GRIK3: variants seen among roughly 807,000 people sequenced by gnomAD.
GRIK3 encodes glutamate ionotropic receptor kainate type subunit 3, also known as glutamate receptor ionotropic, kainate 3.
GRIK3 carries 29 observed loss-of-function variants against 102.5 expected under a neutral mutation model. The observed-to-expected ratio is 0.28, with a 90% CI of 0.21 to 0.39. The LOEUF (loss-of-function observed/expected upper bound fraction) is 0.39. Ranked by LOEUF, GRIK3 falls within the 10% of genes least tolerant of loss-of-function variation. GRIK3 has a pLI of 1.00. For synonymous variants in GRIK3, 511 were observed against 504.9 expected (o/e 1.01, Z -0.16); for missense variants, 908 against 1,252.4 (o/e 0.73, Z 4.15).
chr1:36,864,136 T>C lies in GRIK3; in HGVS notation c.787-4119A>G, dbSNP rs190706768. Among the ~76,000 whole-genome samples, 434 of 152,326 alleles carry C rather than the reference T, an allele frequency of 2.8e-3. 3 individuals carry two copies. The highest frequency in any genetic ancestry group is 0.01 in the African/African-American group (419 of 41,562). On this transcript the variant is annotated intron_variant, in intron 5 of 15. Coordinates refer to ENST00000373091, the MANE Select transcript of GRIK3 (RefSeq NM_000831.4). Reference sequence around the variant, plus strand: ...TTCTTTTTTCACCTCTAGGCTTTTATCTACATGTGACATGTAGCAGGGGCT... The same window carrying C: ...TTCTTTTTTCACCTCTAGGCTTTTACCTACATGTGACATGTAGCAGGGGCT...
chr1:36,830,935 C>T (rs1042999425), intron 10 of GRIK3, among the ~76,000 whole-genome samples: 7 of 152,098 alleles, frequency 4.6e-5, no homozygotes, highest in African/African-American at 1.7e-4. Context: ...GGACTGCCGG[C>T]CACACCAGAA....
chr1:36,827,701 A>C (rs1239963108), intron 10 of GRIK3, among the ~76,000 whole-genome samples: 1 of 152,174 alleles, frequency 6.6e-6, no homozygotes, highest in African/African-American at 2.4e-5. Context: ...GGAACTAGCA[A>C]TCCAGTCAAA....
chr1:36,933,993 C>T (rs1362843408), intron 1 of GRIK3, among the ~76,000 whole-genome samples: 2 of 152,226 alleles, frequency 1.3e-5, no homozygotes, highest in African/African-American at 4.8e-5. Context: ...CACTGGACCA[C>T]ACTTACAGTG....
At chr1:36,996,343 G>C (rs1642419680) in intron 1 of GRIK3, among the ~76,000 whole-genome samples, 1 of 152,210 alleles carries the variant, frequency 6.6e-6, no homozygotes, top group Non-Finnish European at 1.5e-5. Context: ...AGGCTTATGG[G>C]TAGCAGCTCA....
chr1:36,999,067 A>T (rs1570855309), intron 1 of GRIK3, among the ~76,000 whole-genome samples: 1 of 151,898 alleles, frequency 6.6e-6, no homozygotes, highest in East Asian at 1.9e-4. Flanking sequence ...CCAACCATGA[A>T]CAGACCTGGG....
rs561007444 is a variant in GRIK3 at position 36,813,558 on chromosome 1, C to T, written c.2091+3502G>A. On this transcript the variant is annotated intron_variant, in intron 13 of 15. Transcript: ENST00000373091. ...TGTACCCCGCTCCACCACTGATCTG[C>T]TGTGTGATAATGGGCTGGGCCTGTT... Among the ~76,000 whole-genome samples, 60 of 152,292 alleles carry T rather than the reference C, an allele frequency of 3.9e-4. 2 individuals carry two copies. The South Asian group carries it at 0.011, about 27-fold the overall frequency.
intron 1 of GRIK3, among the ~76,000 whole-genome samples, chr1:36,898,084 T>G (rs1641192933): frequency 2.0e-5 from 3 of 151,160 alleles, no homozygotes; most frequent in Admixed American, 2.0e-4. Flanking sequence ...ACAATTGAAA[T>G]CATGGAGATA....
At chr1:36,907,908 T>C (rs1363528060) in intron 1 of GRIK3, among the ~76,000 whole-genome samples, 1 of 152,100 alleles carries the variant, frequency 6.6e-6, no homozygotes, top group Non-Finnish European at 1.5e-5. Context: ...TTGTTCCCAG[T>C]GAGAGAGGCC....
At chr1:36,996,120 A>G (rs763739389) in intron 1 of GRIK3, among the ~76,000 whole-genome samples, 11 of 152,174 alleles carry the variant, frequency 7.2e-5, no homozygotes, top group Non-Finnish European at 1.6e-4. Flanking sequence ...GGTCAGAGAG[A>G]GCACCTTCAT....
chr1:36,865,512 G>A (rs1480470468), intron 5 of GRIK3, among the ~76,000 whole-genome samples: 2 of 152,218 alleles, frequency 1.3e-5, no homozygotes, highest in East Asian at 1.9e-4. Context: ...CCTGAAGACC[G>A]GAAGCAGGAT....
At chr1:36,869,857 A>G (rs577094) in intron 4 of GRIK3, 56 bp from the exon 5 acceptor site, 1,232,465 of 1,334,812 alleles carry the variant, frequency 0.92, 569,636 homozygotes, top group East Asian at 0.99. Flanking sequence ...AGCCCTCCCC[A>G]CATCCCCACC....
At chr1:36,814,843 G>C (rs551989057) in intron 13 of GRIK3, among the ~76,000 whole-genome samples, 1 of 152,072 alleles carries the variant, frequency 6.6e-6, no homozygotes, top group Admixed American at 6.5e-5. Flanking sequence ...TAGACCCTCG[G>C]GTACACACTT....
intron 7 of GRIK3, among the ~76,000 whole-genome samples, chr1:36,854,121 A>G (rs1212211945): frequency 6.6e-6 from 1 of 152,120 alleles, no homozygotes; most frequent in East Asian, 1.9e-4. Context: ...TGGCTGTAGA[A>G]CCAGACGCTT....
chr1:36,983,576 G>A (rs1344446726), intron 1 of GRIK3, among the ~76,000 whole-genome samples: 1 of 152,020 alleles, frequency 6.6e-6, no homozygotes, highest in Non-Finnish European at 1.5e-5. Flanking sequence ...GGCACAGAGA[G>A]GTCAAGGCAT....
chr1:36,832,729 G>T (rs1472102105), intron 10 of GRIK3, among the ~76,000 whole-genome samples: 1 of 152,202 alleles, frequency 6.6e-6, no homozygotes, highest in African/African-American at 2.4e-5. Context: ...TGGGAAGGAT[G>T]GGCAGGTCTT....
intron 1 of GRIK3, among the ~76,000 whole-genome samples, chr1:37,002,846 G>T (rs1310492734): frequency 6.6e-6 from 1 of 151,790 alleles, no homozygotes; most frequent in Non-Finnish European, 1.5e-5. Flanking sequence ...TTGCCATGTT[G>T]CCCAGGCTGG....
intron 1 of GRIK3, among the ~76,000 whole-genome samples, chr1:37,017,007 G>A (rs753008983): frequency 2.6e-5 from 4 of 152,028 alleles, no homozygotes; most frequent in Admixed American, 6.5e-5. Context: ...CTGAGGTCAG[G>A]AGTTTAAGAC....
Position 36,970,667 on chromosome 1 carries a change from A to G in GRIK3, c.115+63327T>C, listed in dbSNP as rs937653886. ...AGCTTGTCTTGGAGAACTGGCTCCC[A>G]ACACTTCTCTAGGGTTCCTCTTCCC... On this transcript the variant is annotated intron_variant, in intron 1 of 15. Transcript: ENST00000373091. Among the ~76,000 whole-genome samples, 28 of 152,136 alleles carry G rather than the reference A, an allele frequency of 1.8e-4. 1 individual carries two copies. Among genetic ancestry groups the G allele is most frequent in the Admixed American group, 1.8e-3 (28 of 15,276 alleles).
intron 1 of GRIK3, among the ~76,000 whole-genome samples, chr1:36,939,898 G>C (rs1570810423): frequency 6.6e-6 from 1 of 152,178 alleles, no homozygotes; most frequent in African/African-American, 2.4e-5. Context: ...TCCTGACACA[G>C]TCATCTCTAT....
Sources: allele counts gnomAD v4.1 joint callset (sites outside exome capture counted in the v4.1 genomes callset), GRCh38; gene constraint gnomAD v4.1.1; transcripts MANE v1.5; gene names NCBI Gene and HGNC (gene_info 2026-07-23, HGNC 2026-07-21).